Variants in PYGL observed in about 807,000 individuals in gnomAD.
The protein encoded by PYGL is glycogen phosphorylase L.
A neutral mutation model predicts 100.1 loss-of-function variants in PYGL; 90 were observed. The observed-to-expected ratio is 0.90, with a 90% confidence interval of 0.76 to 1.07. The LOEUF is 1.07. Among genes scored for constraint, PYGL ranks in the 50% least tolerant of loss-of-function variants. PYGL has a pLI of 0.00. For synonymous variants in PYGL, 373 were observed against 393.0 expected (o/e 0.95, Z 0.60); for missense variants, 1,016 against 1,057.6 (o/e 0.96, Z 0.55).
chr14:50,912,967 A>T (rs1566501786), intron 13 of PYGL, 62 bp downstream of exon 13: 1 of 1,507,852 alleles, frequency 6.6e-7, no homozygotes, highest in African/African-American at 1.4e-5. Context: ...AAATAAACAA[A>T]AACTACAGGA....
At chr14:50,931,123 C>G (rs1010254998) in intron 4 of PYGL, among the ~76,000 whole-genome samples, 18 of 152,062 alleles carry the variant, frequency 1.2e-4, no homozygotes, top group African/African-American at 4.4e-4. Context: ...TGGTTTGTGT[C>G]TTGTAACCAT....
intron 4 of PYGL, among the ~76,000 whole-genome samples, chr14:50,931,154 ACT>A (rs34707370): frequency 0.059 from 9,014 of 152,218 alleles, 388 homozygotes; most frequent in African/African-American, 0.12. Context: ...AGAAGGCAAG[ACT>A]CTGAGTGTAG....
intron 4 of PYGL, among the ~76,000 whole-genome samples, chr14:50,930,673 C>G (rs2050593958): frequency 6.6e-6 from 1 of 152,126 alleles, no homozygotes; most frequent in South Asian, 2.1e-4. Context: ...AACTCATTCT[C>G]ATAGGGTTAT....
intron 8 of PYGL, 109 bp from the exon 9 acceptor site, chr14:50,916,843 C>T: frequency 6.5e-7 from 1 of 1,547,122 alleles, no homozygotes; most frequent in South Asian, 1.1e-5. Flanking sequence ...CTATGAAAGA[C>T]TTGATGCACA....
chr14:50,932,045 T>A (rs77183091), intron 3 of PYGL, among the ~76,000 whole-genome samples: 2,066 of 152,276 alleles, frequency 0.014, 21 homozygotes, highest in Non-Finnish European at 0.02. Context: ...TAGAAATAAC[T>A]ATTGTGTACA....
intron 1 of PYGL, 68 bp from the exon 2 acceptor site, chr14:50,937,905 G>A (rs769815877): frequency 1.5e-6 from 2 of 1,375,388 alleles, no homozygotes; most frequent in Non-Finnish European, 2.1e-6. Flanking sequence ...AAAAACACAA[G>A]GTCATGTGTT....
intron 2 of PYGL, among the ~76,000 whole-genome samples, chr14:50,936,240 A>T (rs2139195962): frequency 6.6e-6 from 1 of 152,184 alleles, no homozygotes; most frequent in Admixed American, 6.5e-5. Flanking sequence ...TATTTTTTTT[A>T]AATGGAAAAA....
At position 50,916,646 on chromosome 14, in the gene PYGL, G is replaced by C. The variant is rs1453709379; in HGVS notation, c.1088C>G (p.Ser363Cys). The change falls in exon 9 of 20, where the codon TCC becomes TGC. Residue 363 changes from serine (S) to cysteine (C), a missense_variant. Coordinates refer to ENST00000216392, the MANE Select transcript of PYGL (RefSeq NM_002863.5). ...AAGAAGCCAAACTATCCAGACCTTG[G>C]ACCAGGGCAGTTTTTCAATATCCAC... Reference protein sequence around the residue: ...IFVDIEKLPWSKAWELTQKTF... With the variant: ...IFVDIEKLPWCKAWELTQKTF... 6.2e-7 allele frequency: 1 copy of C among 1,611,380 alleles called. No homozygotes were observed. Among genetic ancestry groups the C allele is most frequent in the Non-Finnish European group, 8.5e-7 (1 of 1,177,526 alleles).
At chr14:50,926,267 C>T (rs1482180668) in intron 4 of PYGL, among the ~76,000 whole-genome samples, 1 of 152,048 alleles carries the variant, frequency 6.6e-6, no homozygotes, top group African/African-American at 2.4e-5. Context: ...GGGAGGATTG[C>T]TTGAGCCCGG....
At chr14:50,927,115 C>G (rs999083734) in intron 4 of PYGL, among the ~76,000 whole-genome samples, 2 of 152,084 alleles carry the variant, frequency 1.3e-5, no homozygotes, top group African/African-American at 4.8e-5. Context: ...CTGTCCTGCC[C>G]CCAAGAAGCC....
chr14:50,938,301 C>G lies in PYGL; in HGVS notation c.244-464G>C, dbSNP rs112827700. On this transcript the variant is annotated intron_variant, in intron 1 of 19. Transcript: ENST00000216392. ...TATCAGCTCACTGCAACCTCTACCT[C>G]CTGGGTTCAAGAGATTGTCCTGCCT... Among the ~76,000 whole-genome samples the G allele has an allele frequency of 4.5e-3, 681 of 152,356 alleles. 3 individuals carry two copies. The highest frequency in any genetic ancestry group is 7.3e-3 in the Non-Finnish European group (500 of 68,036).
chr14:50,908,966 G>C lies in PYGL; in HGVS notation c.2178-11C>G, dbSNP rs1459464240. 3.2e-6 allele frequency: 5 copies of C among 1,568,468 alleles called. No homozygotes were observed. Among genetic ancestry groups the C allele is most frequent in the Non-Finnish European group, 4.3e-6 (5 of 1,150,578 alleles). ...TCTTTTGCCTCGTACCTGTGGGGTA[G>C]GGGTGGGTGGGTGATAAAAAAAGGC... On this transcript the variant is annotated splice_polypyrimidine_tract_variant and intron_variant, in intron 17 of 19. Transcript: ENST00000216392.
In PYGL at chr14:50,926,713, G is replaced by A. The variant is rs1221787223; in HGVS notation, c.529-2613C>T. Among the ~76,000 whole-genome samples the A allele has an allele frequency of 4.9e-5, 5 of 102,260 alleles. No individual in the cohort carries two copies. The South Asian group carries it at 1.9e-3, about 38-fold the overall frequency. 67.1% of individuals were successfully genotyped at this position (102,260 alleles called of 152,430 possible). A position where few individuals can be genotyped will look rare whatever the true frequency, so the allele number is the denominator to read the frequency against. ...TGCACTCCAGCCTGGGAGACAGAGT[G>A]AGACTCTGTCTCAAAAAAAAAAAAA... On this transcript the variant is annotated intron_variant, in intron 4 of 19. Transcript: ENST00000216392.
intron 4 of PYGL, among the ~76,000 whole-genome samples, chr14:50,925,720 T>C (rs556531440): frequency 3.9e-5 from 6 of 152,322 alleles, no homozygotes; most frequent in Non-Finnish European, 5.9e-5. Context: ...CCAGTAAGCT[T>C]CCCACTAATA....
At chr14:50,934,979 T>C in intron 3 of PYGL, 128 bp downstream of exon 3, 2 of 835,886 alleles carry the variant, frequency 2.4e-6, no homozygotes, top group Non-Finnish European at 4.0e-6. Flanking sequence ...AACAAATACA[T>C]CTACAACCAG....
Position 50,911,722 on chromosome 14 carries a change from G to T in PYGL, c.1969+8C>A, listed in dbSNP as rs2050399899. The T allele has an allele frequency of 1.2e-6, 2 of 1,614,048 alleles. No individual in the cohort carries two copies. The stretch of plus-strand genomic sequence containing the variant: ...TGGCCCCTGCATATTTTGCAATGAG[G>T]GTAGTACCTTTTTCAGCAAGAGATA... On this transcript the variant is annotated splice_region_variant and intron_variant, in intron 16 of 19. Transcript: ENST00000216392.
In PYGL at chr14:50,935,106, C is replaced by T. The variant is rs913262569; in HGVS notation, c.424+1G>A. 6.2e-7 allele frequency: 1 copy of T among 1,604,912 alleles called. No individual in the cohort carries two copies. The highest frequency in any genetic ancestry group is 1.3e-5 in the African/African-American group (1 of 74,862). ...TATAATACACTCACAATGTCACTTA[C>T]CAGCAAGTCTCCCAAGACCACCATT... On this transcript the variant is annotated splice_donor_variant, in intron 3 of 19. Transcript: ENST00000216392. LOFTEE classifies it high-confidence loss of function.
intron 5 of PYGL, 58 bp from the exon 6 acceptor site, chr14:50,921,125 G>A: frequency 1.5e-6 from 2 of 1,361,232 alleles, no homozygotes; most frequent in Non-Finnish European, 2.1e-6. Flanking sequence ...GACATAGGTT[G>A]AACAAGGGGC....
intron 7 of PYGL, among the ~76,000 whole-genome samples, chr14:50,919,242 G>T (rs528921012): frequency 6.6e-6 from 1 of 152,164 alleles, no homozygotes; most frequent in Non-Finnish European, 1.5e-5. Context: ...TTGGCAGTAC[G>T]GTCCCAGACT....
Sources: gnomAD v4.1 joint callset for allele counts (sites outside exome capture counted in the v4.1 genomes callset) on GRCh38, gnomAD v4.1.1 for gene constraint, MANE v1.5 for transcripts, NCBI Gene and HGNC (gene_info 2026-07-23, HGNC 2026-07-21) for gene names.